Variants in ABCC12 observed in about 807,000 individuals in gnomAD.
The protein encoded by ABCC12 is ATP binding cassette subfamily C member 12.
A neutral mutation model predicts 151.1 loss-of-function variants in ABCC12; 142 were observed. The observed-to-expected ratio is 0.94, with a 90% CI of 0.82 to 1.08. The LOEUF (loss-of-function observed/expected upper bound fraction) is 1.08. Among genes scored for constraint, ABCC12 ranks in the 50% least tolerant of loss-of-function variants. The probability of loss-of-function intolerance (pLI) is 0.00; values close to 1 mark genes in which losing one functional copy is unlikely to be tolerated. For synonymous variants in ABCC12, 645 were observed against 646.4 expected, an observed-to-expected ratio of 1.00 and a Z score of 0.03; for missense variants, 1,638 against 1,691.1, an observed-to-expected ratio of 0.97 and a Z score of 0.55.
intron 13 of ABCC12, 145 bp downstream of exon 13, chr16:48,121,571 C>A (rs959297402): frequency 2.7e-6 from 3 of 1,126,366 alleles, no homozygotes; most frequent in Non-Finnish European, 3.7e-6. Context: ...AGAGGAAAAC[C>A]AGTGTCTGTG....
Position 48,081,674 on chromosome 16 carries a change from T to C in ABCC12, c.*2041A>G, listed in dbSNP as rs1053085938. Reference sequence around the variant, plus strand: ...CACAGTCCTGGCACACTGCAAGGTCTCAGTAGACATCAGGATCAATGTCGG... The same window carrying C: ...CACAGTCCTGGCACACTGCAAGGTCCCAGTAGACATCAGGATCAATGTCGG... On this transcript the variant is annotated 3_prime_UTR_variant, in exon 31 of 31. Coordinates refer to ENST00000311303, the MANE Select transcript of ABCC12 (RefSeq NM_001393797.1). 6.6e-6 allele frequency among the ~76,000 whole-genome samples: 1 copy of C among 152,200 alleles called. No individual in the cohort carries two copies. The highest frequency in any genetic ancestry group is 1.5e-5 in the Non-Finnish European group (1 of 68,026).
chr16:48,117,526 C>T (rs1277243295), intron 13 of ABCC12, among the ~76,000 whole-genome samples, 193 bp from the exon 14 acceptor site: 1 of 152,238 alleles, frequency 6.6e-6, no homozygotes, highest in Non-Finnish European at 1.5e-5. Context: ...CTGGCCCCTC[C>T]CCTGACCTGA....
intron 9 of ABCC12, among the ~76,000 whole-genome samples, chr16:48,131,766 G>A (rs1326501391): frequency 6.6e-6 from 1 of 152,082 alleles, no homozygotes; most frequent in African/African-American, 2.4e-5. Context: ...TGTTAAATGG[G>A]CCCCATGGAC....
intron 9 of ABCC12, among the ~76,000 whole-genome samples, chr16:48,132,072 C>T (rs1365166553): frequency 2.6e-5 from 4 of 152,204 alleles, no homozygotes; most frequent in Non-Finnish European, 5.9e-5. Flanking sequence ...TCTAGATTCC[C>T]TCTAAACTAT....
chr16:48,104,998 G>C (rs1963437852), intron 21 of ABCC12, 141 bp downstream of exon 21: 17 of 914,070 alleles, frequency 1.9e-5, no homozygotes, highest in Non-Finnish European at 2.9e-5. Flanking sequence ...CTATTTGGGA[G>C]ACTCTTCCCA....
chr16:48,130,640 A>T lies in ABCC12; in HGVS notation c.1236+148T>A, dbSNP rs534679904. On this transcript the variant is annotated intron_variant, in intron 10 of 30. Transcript: ENST00000311303. Reference sequence around the variant, plus strand: ...CTCTGTCCTTCATACACATTTATTCATCTAACTCTGAATGGATGCCCTCCT... The same window carrying T: ...CTCTGTCCTTCATACACATTTATTCTTCTAACTCTGAATGGATGCCCTCCT... 49 of 619,934 alleles carry T rather than the reference A, an allele frequency of 7.9e-5. No individual in the cohort carries two copies. In the African/African-American group the frequency reaches 8.6e-4, roughly 11 times the overall value. The allele number at this position is 619,934 out of a possible 1,614,324, so 38.4% of individuals were successfully genotyped here. A position where few individuals can be genotyped will look rare whatever the true frequency, so the allele number is the denominator to read the frequency against.
At chr16:48,100,842 G>A in intron 23 of ABCC12, 30 bp downstream of exon 23, 1 of 1,609,300 alleles carries the variant, frequency 6.2e-7, no homozygotes, top group South Asian at 1.1e-5. Context: ...AAGCATGGGG[G>A]CCTGGGGCAG....
At chr16:48,128,306 T>A (rs1379262338) in intron 11 of ABCC12, among the ~76,000 whole-genome samples, 153 bp downstream of exon 11, 1 of 152,170 alleles carries the variant, frequency 6.6e-6, no homozygotes, top group East Asian at 1.9e-4. Flanking sequence ...ATGTACATAG[T>A]TTTAAAACTG....
At chr16:48,123,067 C>T (rs1050657683) in intron 12 of ABCC12, among the ~76,000 whole-genome samples, 13 of 152,244 alleles carry the variant, frequency 8.5e-5, no homozygotes, top group Non-Finnish European at 1.8e-4. Context: ...CCACCACTGT[C>T]TCATGGGAGA....
intron 24 of ABCC12, among the ~76,000 whole-genome samples, chr16:48,096,282 G>A (rs1340689385): frequency 6.6e-6 from 1 of 152,218 alleles, no homozygotes; most frequent in East Asian, 1.9e-4. Flanking sequence ...GGAAATGGGT[G>A]TAACTCCAAC....
rs775899746 is a variant in ABCC12, at chr16:48,132,209, G to T, written c.1129-1314C>A. Among the ~76,000 whole-genome samples, 6 of 152,324 alleles carry T rather than the reference G, an allele frequency of 3.9e-5. No individual in the cohort carries two copies. The East Asian group carries it at 1.2e-3, about 29-fold the overall frequency. ...CACAGAGAGCCACAATAATTGGGCAGCGTTACATCCAGCCTTGGTGTATCC... is the reference window on the plus strand; with the variant it reads ...CACAGAGAGCCACAATAATTGGGCATCGTTACATCCAGCCTTGGTGTATCC... On this transcript the variant is annotated intron_variant, in intron 9 of 30. Transcript: ENST00000311303.
chr16:48,146,279 C>T lies in ABCC12; in HGVS notation c.119+27G>A, dbSNP rs1342768064. On this transcript the variant is annotated intron_variant, in intron 3 of 30. Coordinates refer to ENST00000311303, the MANE Select transcript of ABCC12 (RefSeq NM_001393797.1). ...CATTCCTGGAGGTCCTGCCCTGGCCCTCCCTTCTGTCCTTCTTCTGACTTA... is the reference window on the plus strand; with the variant it reads ...CATTCCTGGAGGTCCTGCCCTGGCCTTCCCTTCTGTCCTTCTTCTGACTTA... 3.1e-6 allele frequency: 5 copies of T among 1,606,796 alleles called. No homozygotes were observed. In the South Asian group the frequency reaches 3.3e-5, roughly 11 times the overall value.
intron 3 of ABCC12, among the ~76,000 whole-genome samples, chr16:48,146,014 A>C (rs1310109991): frequency 6.6e-6 from 1 of 152,200 alleles, no homozygotes; most frequent in Non-Finnish European, 1.5e-5. Flanking sequence ...TAGTAACAGT[A>C]CCTCCAGGGA....
chr16:48,124,605 G>A (rs768660280), intron 11 of ABCC12, among the ~76,000 whole-genome samples: 2 of 152,236 alleles, frequency 1.3e-5, no homozygotes, highest in Non-Finnish European at 2.9e-5. Context: ...TGAACAGGAA[G>A]GCTATTCTGT....
At position 48,138,285 on chromosome 16, in the gene ABCC12, A is replaced by C. The variant is rs760255967; in HGVS notation, c.922T>G (p.Cys308Gly). Reference sequence around the variant, plus strand: ...GCATACATTTTGATCAGCCTGATGCAGGTCAGAAACTCATTCATTGTCTGA... The same window carrying C: ...GCATACATTTTGATCAGCCTGATGCCGGTCAGAAACTCATTCATTGTCTGA... ...RVQTMNEFLT[C>G]IRLIKMYAWE... The change falls in exon 8 of 31, where the codon TGC becomes GGC. Residue 308 changes from cysteine to glycine, a missense_variant. Physicochemically the swap from Cys to Gly is radical, Grantham distance 159. Coordinates refer to ENST00000311303, the MANE Select transcript of ABCC12 (RefSeq NM_001393797.1). The C allele has an allele frequency of 6.2e-7, 1 of 1,613,896 alleles. No individual in the cohort carries two copies. The highest frequency in any genetic ancestry group is 8.5e-7 in the Non-Finnish European group (1 of 1,179,806).
chr16:48,141,079 T>A, intron 5 of ABCC12, 127 bp downstream of exon 5: 1 of 1,428,714 alleles, frequency 7.0e-7, no homozygotes, highest in Non-Finnish European at 9.4e-7. Flanking sequence ...TTATGAAAAT[T>A]CGCCCCCAAG....
chr16:48,112,346 G>C (rs550349340), intron 15 of ABCC12, among the ~76,000 whole-genome samples: 1 of 152,040 alleles, frequency 6.6e-6, no homozygotes, highest in Non-Finnish European at 1.5e-5. Flanking sequence ...CTGTAGTCCC[G>C]GCACTTTGGG....
At chr16:48,115,141 T>A (rs1294159288) in intron 15 of ABCC12, among the ~76,000 whole-genome samples, 1 of 151,982 alleles carries the variant, frequency 6.6e-6, no homozygotes, top group Non-Finnish European at 1.5e-5. Flanking sequence ...GGTGCCCCAA[T>A]CCACCCACAG....
rs757352283 is a variant in ABCC12, at chr16:48,100,915, C to T, written c.2995G>A (p.Gly999Ser). 3 of 1,614,198 alleles carry T rather than the reference C, an allele frequency of 1.9e-6. No homozygotes were observed. The African/African-American group carries it at 4.0e-5, about 22-fold the overall frequency. Residue 999 changes from glycine to serine, a missense_variant, in exon 23 of 31, where the codon GGC becomes AGC. Transcript: ENST00000311303. The stretch of plus-strand genomic sequence containing the variant: ...TTCTTGCCATAGGCGTGAATGATGC[C>T]CAGGCCCTGCATGGAGGAGGTGATG... The part of the protein sequence containing the change: ...THITSSMQGL[G>S]IIHAYGKKES...
Sources: gnomAD v4.1 joint callset for allele counts (sites outside exome capture counted in the v4.1 genomes callset) on GRCh38, gnomAD v4.1.1 for gene constraint, MANE v1.5 for transcripts, NCBI Gene and HGNC (gene_info 2026-07-23, HGNC 2026-07-21) for gene names.